The following COG3 variants were observed in gnomAD, a reference collection of about 807,000 sequenced individuals.
The protein encoded by COG3 is component of oligomeric golgi complex 3, also known as conserved oligomeric Golgi complex subunit 3.
Under a neutral mutation model 114.1 loss-of-function variants are expected in COG3, and 32 were observed. That is an observed-to-expected ratio of 0.28 (90% CI 0.21 to 0.38). The LOEUF (loss-of-function observed/expected upper bound fraction) is 0.38. Ranked by LOEUF, COG3 falls within the 10% of genes least tolerant of loss-of-function variation. The pLI is 1.00. For missense variants in COG3, 813 were observed against 973.2 expected, an observed-to-expected ratio of 0.84 and a Z score of 2.19; for synonymous variants, 352 against 365.7, an observed-to-expected ratio of 0.96 and a Z score of 0.43.
intron 8 of COG3, among the ~76,000 whole-genome samples, chr13:45,488,535 TA>T (rs1178896048): frequency 6.6e-6 from 1 of 152,098 alleles, no homozygotes; most frequent in Non-Finnish European, 1.5e-5. Flanking sequence ...GGATGCAATA[TA>T]AAAAATGGAT....
At chr13:45,493,771 T>G (rs1231096440) in intron 12 of COG3, 3 of 200,576 alleles carry the variant, frequency 1.5e-5, no homozygotes, top group Non-Finnish European at 3.0e-5. Context: ...TCGTTACTTT[T>G]GGGTTAGGCA....
At chr13:45,500,092 GTGTA>G (rs1212917837) in intron 13 of COG3, among the ~76,000 whole-genome samples, 54 of 41,580 alleles carry the variant, frequency 1.3e-3, no homozygotes, top group South Asian at 5.6e-3. Context: ...GTGTGTGTGT[GTGTA>G]TATATATATA....
chr13:45,508,610 A>C (rs1430149771), intron 14 of COG3, among the ~76,000 whole-genome samples: 1 of 152,198 alleles, frequency 6.6e-6, no homozygotes, highest in African/African-American at 2.4e-5. Flanking sequence ...TGCACTAAAA[A>C]TTTAATGAGT....
rs1449275047 is a variant in COG3, at chr13:45,518,838, G to A, written c.2007G>A (p.Glu669=). The change falls in exon 18 of 23, where the codon GAG becomes GAA. Residue 669 remains glutamate, a synonymous_variant. Coordinates refer to ENST00000349995, the MANE Select transcript of COG3 (RefSeq NM_031431.4). ...TGAATAGCAACAATGCCTTGATAGA[G>A]TTCTTGTTGGAGGTGAGAAGGAGTC... ...FRLNSNNALI[E]FLLEGTPEIR... 17 of 1,613,708 alleles carry A rather than the reference G, an allele frequency of 1.1e-5. No homozygotes were observed. The highest frequency in any genetic ancestry group is 2.2e-5 in the East Asian group (1 of 44,888).
chr13:45,478,015 G>T (rs570433095), intron 2 of COG3, among the ~76,000 whole-genome samples: 5 of 152,024 alleles, frequency 3.3e-5, no homozygotes, highest in African/African-American at 1.2e-4. Context: ...ATTGATATTT[G>T]CCCAAAGCAC....
At chr13:45,486,462 C>G in intron 7 of COG3, 33 bp from the exon 8 acceptor site, 53 of 1,302,140 alleles carry the variant, frequency 4.1e-5, no homozygotes, top group Non-Finnish European at 5.6e-5. Context: ...TGCTAATTAT[C>G]TTCCTTCCTT....
rs759889306 is a variant in COG3, at chr13:45,511,864, A to T, written c.1809+10A>T. The T allele has an allele frequency of 1.3e-6, 2 of 1,599,156 alleles. No individual in the cohort carries two copies. The highest frequency in any genetic ancestry group is 1.7e-4 in the Middle Eastern group (1 of 6,036). ...TATCAGCAAAAACAAGGTTTGATGA[A>T]GTGTTAGGTGAAATCCTGTTTCCTG... On this transcript the variant is annotated intron_variant, in intron 16 of 22. Transcript: ENST00000349995.
intron 16 of COG3, among the ~76,000 whole-genome samples, chr13:45,514,135 C>T (rs1871268647): frequency 6.8e-6 from 1 of 147,934 alleles, no homozygotes; most frequent in Non-Finnish European, 1.5e-5. Context: ...GGCTTATGTC[C>T]TCTTGTACCA....
At chr13:45,506,043 C>T (rs959026144) in intron 14 of COG3, among the ~76,000 whole-genome samples, 3 of 148,228 alleles carry the variant, frequency 2.0e-5, no homozygotes, top group Non-Finnish European at 4.5e-5. Context: ...AGTGTAGGCT[C>T]ATGCCATCAC....
At chr13:45,499,625 A>G (rs1396294191) in intron 13 of COG3, among the ~76,000 whole-genome samples, 2 of 152,230 alleles carry the variant, frequency 1.3e-5, no homozygotes, top group Admixed American at 6.5e-5. Flanking sequence ...GAGTAAAGAT[A>G]ATGACCCAGA....
chr13:45,492,884 C>G (rs1887100994), intron 11 of COG3, among the ~76,000 whole-genome samples: 1 of 152,122 alleles, frequency 6.6e-6, no homozygotes, highest in Non-Finnish European at 1.5e-5. Context: ...TCTCAAAATA[C>G]TTGGCGTATG....
intron 1 of COG3, among the ~76,000 whole-genome samples, chr13:45,471,728 T>TG (rs58885892): frequency 2.2e-4 from 7 of 31,572 alleles, no homozygotes; most frequent in Admixed American, 1.3e-3. Context: ...TCAGCTTTTG[T>TG]TTTTTTTTTG....
chr13:45,517,164 C>T (rs1309054822), intron 17 of COG3, among the ~76,000 whole-genome samples: 2 of 152,062 alleles, frequency 1.3e-5, no homozygotes, highest in Non-Finnish European at 2.9e-5. Context: ...TGCTCTGATG[C>T]CTTAAGCCAT....
chr13:45,471,253 G>GA (rs1045775651), intron 1 of COG3, among the ~76,000 whole-genome samples: 5 of 146,700 alleles, frequency 3.4e-5, no homozygotes, highest in African/African-American at 1.2e-4. Context: ...AAAAAAAAAA[G>GA]AAAAAAAAAT....
At chr13:45,531,036 A>G in intron 22 of COG3, 1 of 1,073,420 alleles carries the variant, frequency 9.3e-7, no homozygotes, top group Non-Finnish European at 1.1e-6. Flanking sequence ...GTTTAAGAGA[A>G]TGACCTGTTT....
chr13:45,522,396 T>C lies in COG3; in HGVS notation c.2155-2580T>C, dbSNP rs537767474. 2.6e-5 allele frequency among the ~76,000 whole-genome samples: 4 copies of C among 152,326 alleles called. No homozygotes were observed. In the East Asian group the frequency reaches 7.7e-4, roughly 29 times the overall value. On this transcript the variant is annotated intron_variant, in intron 19 of 22. Coordinates refer to ENST00000349995, the MANE Select transcript of COG3 (RefSeq NM_031431.4). ...TGATTTGGATCCCTTTCATCTACTG[T>C]AAATTGGCCTTGTTGTTTATGTAGC...
chr13:45,512,681 G>T (rs936366985), intron 16 of COG3, among the ~76,000 whole-genome samples: 1 of 151,776 alleles, frequency 6.6e-6, no homozygotes, highest in African/African-American at 2.4e-5. Context: ...AAGCTGGAGT[G>T]CAGTGGTATG....
At chr13:45,508,023 T>C (rs2985964) in intron 14 of COG3, among the ~76,000 whole-genome samples, 125,415 of 142,350 alleles carry the variant, frequency 0.88, 55,263 homozygotes, top group Admixed American at 0.92. Context: ...GGGCTGAGAT[T>C]GCGCCGCTGC....
At chr13:45,495,058 A>G (rs1422174680) in intron 12 of COG3, among the ~76,000 whole-genome samples, 1 of 144,302 alleles carries the variant, frequency 6.9e-6, no homozygotes, top group Non-Finnish European at 1.5e-5. Flanking sequence ...GTTGGCCAGG[A>G]TGGTCTCGAT....
Sources: gnomAD v4.1 joint callset for allele counts (sites outside exome capture counted in the v4.1 genomes callset) on GRCh38, gnomAD v4.1.1 for gene constraint, MANE v1.5 for transcripts, NCBI Gene and HGNC (gene_info 2026-07-23, HGNC 2026-07-21) for gene names.